Variants in SCO2 observed in about 807,000 individuals in gnomAD.
SCO2 encodes cytochrome c oxidase assembly factor SCO2.
For synonymous variants in SCO2, 195 were observed against 148.6 expected, an observed-to-expected ratio of 1.31 and a Z score of -2.27; for missense variants, 429 against 348.7, an observed-to-expected ratio of 1.23 and a Z score of -1.83.
At chr22:50,524,523 C>T in intron 1 of SCO2, 99 bp from the exon 2 acceptor site, 1 of 1,090,390 alleles carries the variant, frequency 9.2e-7, no homozygotes, top group Non-Finnish European at 1.4e-6. Flanking sequence ...CTGAAGGACC[C>T]AGCCCACGTT....
chr22:50,525,560 A>G lies in SCO2; in HGVS notation c.-102T>C. On this transcript the variant is annotated 5_prime_UTR_variant, in exon 1 of 2. Coordinates refer to ENST00000395693, the MANE Select transcript of SCO2 (RefSeq NM_005138.3). Reference sequence around the variant, plus strand: ...GCGCTCTGCCCCGCCGGCTCAGGGAAAGCGGGCGCCACACGCTCACAGGCA... The same window carrying G: ...GCGCTCTGCCCCGCCGGCTCAGGGAGAGCGGGCGCCACACGCTCACAGGCA... 1.4e-6 allele frequency: 1 copy of G among 701,844 alleles called. No homozygotes were observed. Among genetic ancestry groups the G allele is most frequent in the Non-Finnish European group, 2.3e-6 (1 of 430,154 alleles). 43.5% of individuals were successfully genotyped at this position (701,844 alleles called of 1,614,324 possible). A position where few individuals can be genotyped will look rare whatever the true frequency, so the allele number is the denominator to read the frequency against.
chr22:50,526,418 C>G, upstream of SCO2: 1 of 1,507,992 alleles, frequency 6.6e-7, no homozygotes. Context: ...CCGCGGCCAC[C>G]CGGGCAGCGC....
At chr22:50,524,927 T>C (rs1053012402) in intron 1 of SCO2, 22 of 337,316 alleles carry the variant, frequency 6.5e-5, no homozygotes, top group African/African-American at 4.6e-4. Context: ...GCTCAGACTC[T>C]GCCCGCCGGC....
At chr22:50,525,983 G>A, upstream of SCO2, 1 of 1,398,630 alleles carries the variant, frequency 7.1e-7, no homozygotes, top group Non-Finnish European at 9.2e-7. Flanking sequence ...GGGCCAGCAG[G>A]GCGGGGGCGG....
upstream of SCO2, chr22:50,526,272 T>TGCTCCCGGGCGCGAGGCAGCA: frequency 6.5e-7 from 1 of 1,542,272 alleles, no homozygotes; most frequent in Non-Finnish European, 8.7e-7. Flanking sequence ...CAGCTCCTCC[T>TGCTCCCGGGCGCGAGGCAGCA]GCTCCCGGGC....
At chr22:50,525,641 C>A (rs919606402), upstream of SCO2, 9 of 1,396,192 alleles carry the variant, frequency 6.4e-6, no homozygotes, top group Non-Finnish European at 8.9e-6. Flanking sequence ...CGCTGACAGG[C>A]TCTCAGCGCG....
At chr22:50,525,762 A>G (rs755313525), upstream of SCO2, 1 of 1,610,324 alleles carries the variant, frequency 6.2e-7, no homozygotes, top group East Asian at 2.2e-5. Flanking sequence ...TTTCGCGGCA[A>G]AGGAGCTTTA....
chr22:50,525,619 C>A (rs2069316581), upstream of SCO2: 1 of 1,235,046 alleles, frequency 8.1e-7, no homozygotes, highest in Non-Finnish European at 1.2e-6. Flanking sequence ...CGCATGCGCA[C>A]ACGGGCGCAG....
chr22:50,525,497 G>A lies in SCO2; in HGVS notation c.-39C>T. On this transcript the variant is annotated 5_prime_UTR_variant, in exon 1 of 2. Transcript: ENST00000395693. ...CTCGCGGCGGGGCCGCGCGTCAGTG[G>A]ACCAAGCACGAGAGGAAGCGCCGAC... 1.9e-6 allele frequency: 1 copy of A among 529,166 alleles called. No homozygotes were observed. The highest frequency in any genetic ancestry group is 2.0e-5 in the African/African-American group (1 of 48,796). 32.8% of individuals were successfully genotyped at this position (529,166 alleles called of 1,614,324 possible).
At position 50,524,311 on chromosome 22, in the gene SCO2, C is replaced by T. The variant is rs2069230672; in HGVS notation, c.101G>A (p.Arg34Lys). 3 of 1,602,348 alleles carry T rather than the reference C, an allele frequency of 1.9e-6. No homozygotes were observed. Among genetic ancestry groups the T allele is most frequent in the Non-Finnish European group, 2.5e-6 (3 of 1,179,882 alleles). ...GTLGGQALHL[R>K]SWLLSRQGPA... ...GCCCTGCCTTGACAAAAGCCAGGACCTCAGATGCAGGGCCTGGCCTCCCAG... is the reference window on the plus strand; with the variant it reads ...GCCCTGCCTTGACAAAAGCCAGGACTTCAGATGCAGGGCCTGGCCTCCCAG... The change falls in exon 2 of 2, where the codon AGG (arginine) becomes AAG (lysine). Residue 34 changes from arginine to lysine, a missense_variant. Physicochemically the swap from Arg to Lys is conservative, Grantham distance 26. Coordinates refer to ENST00000395693, the MANE Select transcript of SCO2 (RefSeq NM_005138.3).
chr22:50,525,577 TCA>T lies in SCO2; in HGVS notation c.-121_-120del. Reference sequence around the variant, plus strand: ...CTCAGGGAAAGCGGGCGCCACACGCTCACAGGCAGGGCGCAGGCGTCCCCGGA... The same window carrying T: ...CTCAGGGAAAGCGGGCGCCACACGCTCAGGCAGGGCGCAGGCGTCCCCGGA... On this transcript the variant is annotated 5_prime_UTR_variant, in exon 1 of 2. Transcript: ENST00000395693. 1 of 837,666 alleles carries T rather than the reference TCA, an allele frequency of 1.2e-6. No individual in the cohort carries two copies. The allele number at this position is 837,666 out of a possible 1,614,324, so 51.9% of individuals were successfully genotyped here.
upstream of SCO2, chr22:50,525,872 GCCGCTGAGCGCGGGGCCGTC>G (rs1064792890): frequency 1.9e-6 from 3 of 1,591,498 alleles, no homozygotes; most frequent in Middle Eastern, 1.8e-4. Context: ...GGCTCTGCGG[GCCGCTGAGCGCGGGGCCGTC>G]CCGGTGCACG....
At chr22:50,525,811 G>C (rs780184960), upstream of SCO2, 21 of 1,610,490 alleles carry the variant, frequency 1.3e-5, no homozygotes, top group Non-Finnish European at 1.7e-5. Flanking sequence ...AAGGGCGAGG[G>C]GGCGGCGAAT....
upstream of SCO2, chr22:50,526,329 G>C (rs774416437): frequency 1.3e-6 from 2 of 1,562,284 alleles, no homozygotes; most frequent in Middle Eastern, 1.9e-4. Flanking sequence ...CGAGCACAGG[G>C]CTCGGGCCAG....
In SCO2 at chr22:50,525,594, G is replaced by T; in HGVS notation, c.-136C>A. 2.1e-6 allele frequency: 2 copies of T among 961,442 alleles called. No homozygotes were observed. The highest frequency in any genetic ancestry group is 3.2e-6 in the Non-Finnish European group (2 of 633,986). The allele number at this position is 961,442 out of a possible 1,614,324, so 59.6% of individuals were successfully genotyped here. On this transcript the variant is annotated 5_prime_UTR_variant, in exon 1 of 2. Transcript: ENST00000395693. ...CCACACGCTCACAGGCAGGGCGCAG[G>T]CGTCCCCGGAGCTGCGCATGCGCAC... is the stretch of plus-strand genomic sequence containing the variant.
upstream of SCO2, chr22:50,526,220 A>C (rs1603441822): frequency 6.6e-7 from 1 of 1,509,478 alleles, no homozygotes. Flanking sequence ...CGGAGGCGGA[A>C]GGACGGGGAC....
intron 1 of SCO2, 119 bp from the exon 2 acceptor site, chr22:50,524,543 CAG>C (rs1215047501): frequency 2.2e-6 from 2 of 890,980 alleles, no homozygotes. Context: ...TCAGGCTTAA[CAG>C]GCATTTGCAG....
At chr22:50,524,760 T>C (rs1014038372) in intron 1 of SCO2, 3 of 473,728 alleles carry the variant, frequency 6.3e-6, no homozygotes, top group African/African-American at 5.9e-5. Flanking sequence ...CTATTTGCAA[T>C]AAACCCATTT....
chr22:50,524,602 T>TG (rs1445413437), intron 1 of SCO2, 178 bp from the exon 2 acceptor site: 3 of 717,696 alleles, frequency 4.2e-6, no homozygotes, highest in Non-Finnish European at 5.2e-6. Flanking sequence ...CATCCACACC[T>TG]GGGCAACCAC....
Sources: gnomAD v4.1 joint callset for allele counts on GRCh38, gnomAD v4.1.1 for gene constraint, MANE v1.5 for transcripts, NCBI Gene and HGNC (gene_info 2026-07-23, HGNC 2026-07-21) for gene names.